Variants in PITPNC1 observed in about 807,000 individuals in gnomAD.
PITPNC1 encodes cytoplasmic phosphatidylinositol transfer protein 1.
A neutral mutation model predicts 44.7 loss-of-function variants in PITPNC1; 18 were observed. The observed-to-expected ratio is 0.40, with a 90% CI of 0.28 to 0.60. The LOEUF is 0.60. PITPNC1 is among the 20% of genes least tolerant of loss of function. The pLI is 0.39. For synonymous variants in PITPNC1, 141 were observed against 149.6 expected (o/e 0.94, Z 0.42); for missense variants, 290 against 418.4 (o/e 0.69, Z 2.68).
chr17:67,386,866 A>C (rs566727191), intron 1 of PITPNC1, among the ~76,000 whole-genome samples: 1 of 152,188 alleles, frequency 6.6e-6, no homozygotes, highest in South Asian at 2.1e-4. Context: ...AGAAGGTTTT[A>C]TGTATCTTTA....
chr17:67,600,760 G>A (rs1217051752), intron 5 of PITPNC1, among the ~76,000 whole-genome samples: 1 of 151,256 alleles, frequency 6.6e-6, no homozygotes, highest in Non-Finnish European at 1.5e-5. Flanking sequence ...TGGTGCAAAA[G>A]TAATTGCGAT....
At chr17:67,553,861 T>A (rs2040799296) in intron 4 of PITPNC1, among the ~76,000 whole-genome samples, 1 of 152,230 alleles carries the variant, frequency 6.6e-6, no homozygotes, top group African/African-American at 2.4e-5. Flanking sequence ...AATCAGCCTT[T>A]GCTTGTAATT....
chr17:67,687,007 G>A (rs1237848793), intron 8 of PITPNC1: 2 of 912,158 alleles, frequency 2.2e-6, no homozygotes, highest in African/African-American at 3.3e-5. Context: ...TCCCTAAAGT[G>A]TCCCCATTGA....
intron 1 of PITPNC1, among the ~76,000 whole-genome samples, chr17:67,502,731 T>G (rs2040048474): frequency 6.7e-6 from 1 of 150,178 alleles, no homozygotes; most frequent in African/African-American, 2.5e-5. Flanking sequence ...AGTAAGATTA[T>G]TGCATTGCAT....
chr17:67,446,128 G>T (rs1269364456), intron 1 of PITPNC1, among the ~76,000 whole-genome samples: 1 of 151,730 alleles, frequency 6.6e-6, no homozygotes, highest in Non-Finnish European at 1.5e-5. Flanking sequence ...TGTATTTTTG[G>T]TACAGACGGG....
rs2038436733 is a variant in PITPNC1, at chr17:67,408,673, TC to T, written c.48+30472del. The T allele has an allele frequency of 6.1e-5, 8 of 130,834 alleles. No individual in the cohort carries two copies. The East Asian group carries it at 7.2e-4, about 12-fold the overall frequency. The allele number at this position is 130,834 out of a possible 1,614,324, so 8.1% of individuals were successfully genotyped here. A position where few individuals can be genotyped will look rare whatever the true frequency, so the allele number is the denominator to read the frequency against. On this transcript the variant is annotated intron_variant, in intron 1 of 8. Transcript: ENST00000581322. ...CCTCCCTCCCTCCTTGCTTGCTTTCTCTTTCTTCCTTCCTTCCTTCCTTCCT... is the reference window on the plus strand; with the variant it reads ...CCTCCCTCCCTCCTTGCTTGCTTTCTTTTCTTCCTTCCTTCCTTCCTTCCT...
chr17:67,378,163 G>C lies in PITPNC1; in HGVS notation c.9G>C (p.Leu3=), dbSNP rs747067937. The stretch of plus-strand genomic sequence containing the variant: ...CCGCGGCCGGCAGGACCATGCTGCT[G>C]AAAGAGTACCGGATCTGCATGCCGC... ML[L]KEYRICMPLT... The change falls in exon 1 of 9, where the codon CTG becomes CTC. Residue 3 remains leucine (L), a synonymous_variant. Coordinates refer to ENST00000581322, the MANE Select transcript of PITPNC1 (RefSeq NM_012417.4). 38 of 1,547,402 alleles carry C rather than the reference G, an allele frequency of 2.5e-5. 1 individual carries two copies. The East Asian group carries it at 9.0e-4, about 37-fold the overall frequency.
chr17:67,549,291 A>T (rs1207161493), intron 2 of PITPNC1, among the ~76,000 whole-genome samples: 1 of 152,078 alleles, frequency 6.6e-6, no homozygotes, highest in Non-Finnish European at 1.5e-5. Flanking sequence ...CTGTCTCTAT[A>T]GCTTGAACCC....
At chr17:67,410,390 T>TG (rs1328868178) in intron 1 of PITPNC1, among the ~76,000 whole-genome samples, 1 of 152,142 alleles carries the variant, frequency 6.6e-6, no homozygotes, top group Non-Finnish European at 1.5e-5. Flanking sequence ...GTGGTTTGTT[T>TG]GTTTTTGAGA....
intron 6 of PITPNC1, among the ~76,000 whole-genome samples, chr17:67,640,155 A>G (rs148362925): frequency 6.6e-6 from 1 of 151,886 alleles, no homozygotes; most frequent in Non-Finnish European, 1.5e-5. Flanking sequence ...AGTGGGTTCC[A>G]ACTTACTGGG....
intron 1 of PITPNC1, among the ~76,000 whole-genome samples, chr17:67,460,744 T>TTTC (rs2039325040): frequency 1.5e-4 from 11 of 73,960 alleles, no homozygotes; most frequent in Admixed American, 2.7e-4. Context: ...TTCTTTCTTT[T>TTTC]TTTTTTTTTT....
intron 1 of PITPNC1, among the ~76,000 whole-genome samples, chr17:67,381,293 A>C (rs1347061128): frequency 7.3e-6 from 1 of 136,738 alleles, no homozygotes; most frequent in African/African-American, 2.8e-5. Flanking sequence ...ACGCCACTGC[A>C]CTCCAGCCTG....
At chr17:67,629,569 G>C (rs1034949899) in intron 5 of PITPNC1, among the ~76,000 whole-genome samples, 3 of 152,182 alleles carry the variant, frequency 2.0e-5, no homozygotes, top group Non-Finnish European at 4.4e-5. Context: ...GAGCCACTGT[G>C]CCTGGCCTCT....
intron 3 of PITPNC1, chr17:67,553,350 TA>T (rs1243122545): frequency 1.6e-5 from 5 of 318,188 alleles, no homozygotes; most frequent in Middle Eastern, 8.3e-4. Context: ...CTTTGGTTTT[TA>T]ATTAGCCACA....
chr17:67,664,642 G>A (rs755172379), intron 6 of PITPNC1, among the ~76,000 whole-genome samples: 1 of 152,112 alleles, frequency 6.6e-6, no homozygotes. Context: ...GGTGGCTTAC[G>A]CCTGTAATGC....
intron 1 of PITPNC1, among the ~76,000 whole-genome samples, chr17:67,428,917 T>G (rs932415922): frequency 2.8e-5 from 4 of 142,444 alleles, no homozygotes; most frequent in Non-Finnish European, 6.1e-5. Context: ...CTCGGCTCAC[T>G]GCAACCTCTG....
intron 1 of PITPNC1, among the ~76,000 whole-genome samples, chr17:67,436,109 C>T (rs559666256): frequency 6.6e-6 from 1 of 152,120 alleles, no homozygotes; most frequent in Non-Finnish European, 1.5e-5. Flanking sequence ...CCTCCTGCTT[C>T]AGCCTCCCAA....
intron 5 of PITPNC1, among the ~76,000 whole-genome samples, chr17:67,618,234 G>T (rs1052093953): frequency 6.6e-6 from 1 of 151,716 alleles, no homozygotes; most frequent in African/African-American, 2.4e-5. Context: ...GCGTGATGGT[G>T]CACACCTGTA....
At chr17:67,596,550 G>A (rs999567279) in intron 5 of PITPNC1, among the ~76,000 whole-genome samples, 4 of 151,864 alleles carry the variant, frequency 2.6e-5, no homozygotes, top group East Asian at 1.9e-4. Context: ...TCGCTCTGTC[G>A]TCCAGGCTGG....
Sources: allele counts gnomAD v4.1 joint callset (sites outside exome capture counted in the v4.1 genomes callset), GRCh38; gene constraint gnomAD v4.1.1; transcripts MANE v1.5; gene names NCBI Gene and HGNC (gene_info 2026-07-23, HGNC 2026-07-21).